The following RASAL2 variants were observed in gnomAD, a reference collection of about 807,000 sequenced individuals.
RASAL2 encodes the protein RAS protein activator like 2, also known as ras GTPase-activating protein nGAP.
A neutral mutation model predicts 128.9 loss-of-function variants in RASAL2; 58 were observed. The observed-to-expected ratio is 0.45, with a 90% CI of 0.36 to 0.56. The LOEUF (loss-of-function observed/expected upper bound fraction) is 0.56. Among genes scored for constraint, RASAL2 ranks in the 20% least tolerant of loss-of-function variants. The pLI, the probability that RASAL2 is intolerant of heterozygous loss-of-function variation, is 0.00. For missense variants in RASAL2, 1,360 were observed against 1,601.6 expected, an observed-to-expected ratio of 0.85 and a Z score of 2.57; for synonymous variants, 561 against 580.8, an observed-to-expected ratio of 0.97 and a Z score of 0.49.
At chr1:178,344,959 G>A (rs565823857) in intron 3 of RASAL2, among the ~76,000 whole-genome samples, 1 of 152,182 alleles carries the variant, frequency 6.6e-6, no homozygotes, top group African/African-American at 2.4e-5. Context: ...CTTGTGTTTG[G>A]AAGCCTTAAG....
At chr1:178,339,770 C>T (rs1669773887) in intron 3 of RASAL2, among the ~76,000 whole-genome samples, 1 of 152,098 alleles carries the variant, frequency 6.6e-6, no homozygotes, top group African/African-American at 2.4e-5. Context: ...GTGGTCCTGG[C>T]CCAGCACCAA....
chr1:178,415,709 T>C (rs2102725372), intron 4 of RASAL2, among the ~76,000 whole-genome samples: 1 of 152,278 alleles, frequency 6.6e-6, no homozygotes, highest in East Asian at 1.9e-4. Flanking sequence ...TCCTAGCAAC[T>C]CTTACCAGTT....
At chr1:178,295,489 A>G (rs1378884489) in intron 2 of RASAL2, among the ~76,000 whole-genome samples, 6 of 150,996 alleles carry the variant, frequency 4.0e-5, no homozygotes, top group African/African-American at 9.8e-5. Context: ...TAAAGCTCCC[A>G]TAGATGATTA....
intron 9 of RASAL2, among the ~76,000 whole-genome samples, chr1:178,450,137 C>G (rs981158309): frequency 6.6e-6 from 1 of 152,024 alleles, no homozygotes; most frequent in African/African-American, 2.4e-5. Context: ...TAGTTTTGGC[C>G]ATTTCACCTG....
Position 178,324,722 on chromosome 1 carries a change from C to T in RASAL2, c.457+24604C>T, listed in dbSNP as rs146960189. 4.2e-3 allele frequency among the ~76,000 whole-genome samples: 644 copies of T among 152,200 alleles called. 3 individuals carry two copies. Among genetic ancestry groups the T allele is most frequent in the African/African-American group, 0.015 (621 of 41,510 alleles). On this transcript the variant is annotated intron_variant, in intron 3 of 17. Coordinates refer to ENST00000367649, the MANE Select transcript of RASAL2 (RefSeq NM_170692.4). ...ATTAGCTAAATATCGTTTAATTGTACATGTGCATATGGCTCTCTTTTTAGG... is the reference window on the plus strand; with the variant it reads ...ATTAGCTAAATATCGTTTAATTGTATATGTGCATATGGCTCTCTTTTTAGG...
rs188565102 is a variant in RASAL2 at position 178,330,585 on chromosome 1, G to T, written c.457+30467G>T. ...GTAGTTGCAGTGGGCTGTAGTCTGG[G>T]TCATGAAATAACAGATTAAAAATGT... On this transcript the variant is annotated intron_variant, in intron 3 of 17. Transcript: ENST00000367649. 9.7e-4 allele frequency among the ~76,000 whole-genome samples: 147 copies of T among 152,180 alleles called. 5 individuals carry two copies. Among genetic ancestry groups the T allele is most frequent in the Admixed American group, 8.6e-3 (132 of 15,280 alleles).
chr1:178,439,696 A>G (rs1421949271), intron 6 of RASAL2, 121 bp downstream of exon 6: 2 of 835,976 alleles, frequency 2.4e-6, no homozygotes, highest in Admixed American at 3.5e-5. Context: ...TTCAGTTGCT[A>G]GAAATTATCT....
At chr1:178,163,933 T>C (rs1437706887) in intron 1 of RASAL2, among the ~76,000 whole-genome samples, 1 of 152,220 alleles carries the variant, frequency 6.6e-6, no homozygotes, top group Non-Finnish European at 1.5e-5. Flanking sequence ...ATTTACGTTT[T>C]TCTTACACTG....
chr1:178,373,080 C>A (rs1401033759), intron 3 of RASAL2, among the ~76,000 whole-genome samples: 1 of 151,652 alleles, frequency 6.6e-6, no homozygotes, highest in African/African-American at 2.4e-5. Context: ...TATAAGTATG[C>A]CTTTATTATA....
intron 5 of RASAL2, among the ~76,000 whole-genome samples, chr1:178,420,904 CTTTTG>C (rs1675102785): frequency 6.6e-6 from 1 of 152,022 alleles, no homozygotes; most frequent in African/African-American, 2.4e-5. Flanking sequence ...AGAGGTGTAT[CTTTTG>C]TTTGGTTTTT....
intron 1 of RASAL2, among the ~76,000 whole-genome samples, chr1:178,182,805 C>T (rs1348616318): frequency 6.6e-6 from 1 of 151,392 alleles, no homozygotes; most frequent in African/African-American, 2.4e-5. Flanking sequence ...GAGCAGCAGT[C>T]CCCAACCTTT....
chr1:178,353,060 C>G (rs919607345), intron 3 of RASAL2, among the ~76,000 whole-genome samples: 1 of 152,228 alleles, frequency 6.6e-6, no homozygotes. Context: ...AAGGCCTTTT[C>G]CCTAGTGTCT....
Position 178,473,232 on chromosome 1 carries a change from G to A in RASAL2, c.3836G>A (p.Ser1279Asn). The change falls in exon 18 of 18, where the codon AGC becomes AAC. Residue 1279 changes from serine (S) to asparagine (N), a missense_variant. This residue lies in a region of RASAL2 where 741 missense variants were observed against 868.6 expected (regional missense o/e 0.85). Transcript: ENST00000367649. ...ITENGEFKNSSC is the reference protein window; with the variant it reads ...ITENGEFKNSNC ...GAGAATGGTGAATTCAAAAACAGCA[G>A]CTGCTGACGGGCTTTGTCTGTGGAA... 6.2e-7 allele frequency: 1 copy of A among 1,614,160 alleles called. No homozygotes were observed. Among genetic ancestry groups the A allele is most frequent in the Non-Finnish European group, 8.5e-7 (1 of 1,180,024 alleles).
chr1:178,141,580 T>C (rs1445494909), intron 1 of RASAL2, among the ~76,000 whole-genome samples: 1 of 151,620 alleles, frequency 6.6e-6, no homozygotes, highest in Non-Finnish European at 1.5e-5. Context: ...CCAAGTGCTG[T>C]TGGGGAGGTT....
chr1:178,391,257 A>G (rs922110294), intron 4 of RASAL2, among the ~76,000 whole-genome samples: 1 of 152,208 alleles, frequency 6.6e-6, no homozygotes, highest in African/African-American at 2.4e-5. Context: ...CATTGATAAT[A>G]ATGATCCTGA....
chr1:178,381,922 A>G (rs1672308426), intron 3 of RASAL2, among the ~76,000 whole-genome samples: 1 of 152,196 alleles, frequency 6.6e-6, no homozygotes, highest in Admixed American at 6.5e-5. Context: ...AAAACTCACC[A>G]AACTGAAGTT....
chr1:178,384,119 T>C (rs989580540), intron 3 of RASAL2, among the ~76,000 whole-genome samples: 4 of 152,054 alleles, frequency 2.6e-5, no homozygotes, highest in Non-Finnish European at 5.9e-5. Context: ...ATTGAAAGAG[T>C]ATTTACATTT....
At position 178,094,485 on chromosome 1, in the gene RASAL2, G is replaced by C. The variant is rs541767913; in HGVS notation, c.-8G>C. On this transcript the variant is annotated 5_prime_UTR_variant, in exon 1 of 18. Coordinates refer to ENST00000367649, the MANE Select transcript of RASAL2 (RefSeq NM_170692.4). Reference sequence around the variant, plus strand: ...CGCCGCCTCGTCCCCCTCCCGCCTCGGGGCACCATGGAGCTCTCTCCGTCG... The same window carrying C: ...CGCCGCCTCGTCCCCCTCCCGCCTCCGGGCACCATGGAGCTCTCTCCGTCG... 103 of 1,543,242 alleles carry C rather than the reference G, an allele frequency of 6.7e-5. No homozygotes were observed. The East Asian group carries it at 2.2e-3, about 33-fold the overall frequency.
chr1:178,357,413 G>A (rs990831033), intron 3 of RASAL2, among the ~76,000 whole-genome samples: 1 of 150,770 alleles, frequency 6.6e-6, no homozygotes, highest in African/African-American at 2.4e-5. Flanking sequence ...TTTATCATCA[G>A]CTAAATGTCT....
Sources: gnomAD v4.1 joint callset for allele counts (sites outside exome capture counted in the v4.1 genomes callset) on GRCh38, gnomAD v4.1.1 for gene constraint, gnomAD v4.1.1 regional missense constraint, MANE v1.5 for transcripts, NCBI Gene and HGNC (gene_info 2026-07-23, HGNC 2026-07-21) for gene names.